NALCN: variants seen among roughly 807,000 people sequenced by gnomAD.
The protein encoded by NALCN is sodium leak channel NALCN.
NALCN carries 111 observed loss-of-function variants against 225.3 expected under a neutral mutation model. That is an observed-to-expected ratio of 0.49 (90% confidence interval 0.42 to 0.58). NALCN has a LOEUF of 0.58. Ranked by LOEUF, NALCN falls within the 20% of genes least tolerant of loss-of-function variation. The probability of loss-of-function intolerance (pLI) is 0.00; values close to 1 mark genes in which losing one functional copy is unlikely to be tolerated. For missense variants in NALCN, 1,378 were observed against 2,202.4 expected (o/e 0.63, Z 7.49); for synonymous variants, 764 against 769.0 (o/e 0.99, Z 0.11).
At chr13:101,372,204 A>G (rs1270100862) in intron 6 of NALCN, among the ~76,000 whole-genome samples, 1 of 152,152 alleles carries the variant, frequency 6.6e-6, no homozygotes, top group Admixed American at 6.5e-5. Flanking sequence ...ATAGAAAGCA[A>G]AAACTGACAA....
chr13:101,356,723 CACA>C, intron 6 of NALCN, among the ~76,000 whole-genome samples: 1 of 152,192 alleles, frequency 6.6e-6, no homozygotes, highest in Non-Finnish European at 1.5e-5. Context: ...CTGGCAGAGA[CACA>C]ACAACAACAA....
chr13:101,341,642 G>A (rs1341300301), intron 7 of NALCN, among the ~76,000 whole-genome samples: 1 of 151,944 alleles, frequency 6.6e-6, no homozygotes, highest in South Asian at 2.1e-4. Flanking sequence ...TTTTATAGAT[G>A]TGGTCCTCAT....
At chr13:101,145,351 A>G (rs1044378858) in intron 15 of NALCN, among the ~76,000 whole-genome samples, 7 of 152,224 alleles carry the variant, frequency 4.6e-5, no homozygotes, top group Non-Finnish European at 1.0e-4. Flanking sequence ...AAGAGAGACA[A>G]TGGCAGGAAA....
At chr13:101,362,503 C>T (rs1480614872) in intron 6 of NALCN, among the ~76,000 whole-genome samples, 2 of 151,964 alleles carry the variant, frequency 1.3e-5, no homozygotes, top group East Asian at 1.9e-4. Context: ...GTTATTATTT[C>T]AATAGATGCA....
chr13:101,310,046 G>C (rs145543666), intron 7 of NALCN, among the ~76,000 whole-genome samples: 199 of 152,158 alleles, frequency 1.3e-3, no homozygotes, highest in Non-Finnish European at 1.4e-3. Context: ...AAGTAAACAT[G>C]AACACTATAT....
At chr13:101,369,769 C>T (rs17486808) in intron 6 of NALCN, among the ~76,000 whole-genome samples, 31,919 of 152,014 alleles carry the variant, frequency 0.21, 3,501 homozygotes, top group Non-Finnish European at 0.24. Context: ...ACAATCTAGG[C>T]ATATTCTACA....
chr13:101,149,240 C>A (rs2037513604), intron 15 of NALCN, among the ~76,000 whole-genome samples: 1 of 151,202 alleles, frequency 6.6e-6, no homozygotes, highest in South Asian at 2.1e-4. Context: ...TTACAGTGAG[C>A]CAAGATTGTG....
intron 28 of NALCN, among the ~76,000 whole-genome samples, chr13:101,092,831 C>T (rs1269512127): frequency 6.6e-6 from 1 of 152,136 alleles, no homozygotes; most frequent in African/African-American, 2.4e-5. Flanking sequence ...TGTAGCTTAA[C>T]ATTACATGGA....
At chr13:101,275,102 C>T (rs958047712) in intron 10 of NALCN, among the ~76,000 whole-genome samples, 2 of 152,138 alleles carry the variant, frequency 1.3e-5, no homozygotes, top group Admixed American at 6.5e-5. Context: ...CTGCTGCTCC[C>T]GGCCACGCCT....
chr13:101,067,078 T>C (rs1313094250), intron 39 of NALCN, among the ~76,000 whole-genome samples: 1 of 151,886 alleles, frequency 6.6e-6, no homozygotes, highest in Non-Finnish European at 1.5e-5. Context: ...ACAGGAGCTG[T>C]TCCATCTTGT....
chr13:101,244,363 T>C (rs1471577153), intron 11 of NALCN, among the ~76,000 whole-genome samples: 2 of 152,202 alleles, frequency 1.3e-5, no homozygotes, highest in Non-Finnish European at 2.9e-5. Context: ...TAGTAAAATA[T>C]GCAGCTGGAT....
chr13:101,397,105 T>TATATATAC (rs2047326202), intron 2 of NALCN, among the ~76,000 whole-genome samples: 2 of 77,822 alleles, frequency 2.6e-5, no homozygotes, highest in Non-Finnish European at 4.7e-5. Context: ...TATATATATA[T>TATATATAC]ATATACATAC....
chr13:101,273,719 T>C (rs537581502), intron 10 of NALCN, among the ~76,000 whole-genome samples: 1 of 151,270 alleles, frequency 6.6e-6, no homozygotes, highest in African/African-American at 2.4e-5. Context: ...CCCCGTCTCT[T>C]CTAAAAATAC....
intron 12 of NALCN, among the ~76,000 whole-genome samples, chr13:101,233,531 G>T (rs989848802): frequency 6.6e-6 from 1 of 151,830 alleles, no homozygotes; most frequent in Non-Finnish European, 1.5e-5. Context: ...TAGTAGAGAC[G>T]GGGTTTCACC....
At chr13:101,347,764 A>G (rs575763015) in intron 6 of NALCN, among the ~76,000 whole-genome samples, 1 of 152,190 alleles carries the variant, frequency 6.6e-6, no homozygotes, top group African/African-American at 2.4e-5. Context: ...GAGAGTAATC[A>G]TAATTAAAAG....
intron 10 of NALCN, among the ~76,000 whole-genome samples, chr13:101,269,111 C>T (rs2042689882): frequency 6.6e-6 from 1 of 151,984 alleles, no homozygotes; most frequent in South Asian, 2.1e-4. Context: ...GTTCACTTTG[C>T]TTACTTGGCT....
At chr13:101,075,732 T>C (rs1400614049) in intron 35 of NALCN, 141 bp downstream of exon 35, 1 of 531,768 alleles carries the variant, frequency 1.9e-6, no homozygotes, top group Non-Finnish European at 3.2e-6. Flanking sequence ...ATGTTTAATA[T>C]TTGTTAATCT....
intron 9 of NALCN, among the ~76,000 whole-genome samples, chr13:101,289,360 C>T (rs1160531186): frequency 6.6e-6 from 1 of 152,074 alleles, no homozygotes; most frequent in Admixed American, 6.6e-5. Context: ...GTCTTGGAGG[C>T]ATTTGGTGGT....
At chr13:101,200,542 T>A (rs927776783) in intron 13 of NALCN, among the ~76,000 whole-genome samples, 7 of 152,018 alleles carry the variant, frequency 4.6e-5, no homozygotes, top group Non-Finnish European at 1.0e-4. Flanking sequence ...GAAAGGGGGA[T>A]AAGCAAAAGT....
Sources: allele counts gnomAD v4.1 joint callset (sites outside exome capture counted in the v4.1 genomes callset), GRCh38; gene constraint gnomAD v4.1.1; transcripts MANE v1.5; gene names NCBI Gene and HGNC (gene_info 2026-07-23, HGNC 2026-07-21).